MROH2B: variants seen among roughly 807,000 people sequenced by gnomAD.
The protein encoded by MROH2B is maestro heat like repeat family member 2B.
In MROH2B, 177 loss-of-function variants were observed where a neutral mutation model predicts 208.6. That is an observed-to-expected ratio of 0.85 (90% CI 0.75 to 0.96). MROH2B has a LOEUF of 0.96. MROH2B is among the 40% of genes least tolerant of loss of function. The pLI is 0.00. For synonymous variants in MROH2B, 728 were observed against 659.0 expected (o/e 1.10, Z -1.60); for missense variants, 2,002 against 1,878.7 (o/e 1.07, Z -1.21).
At chr5:41,012,876 G>C (rs752892882) in intron 29 of MROH2B, 141 bp from the exon 30 acceptor site, 113 of 1,023,732 alleles carry the variant, frequency 1.1e-4, no homozygotes, top group Non-Finnish European at 1.4e-4. Flanking sequence ...ACAGAAACTA[G>C]AGAAAATACT....
chr5:41,057,400 G>T, intron 7 of MROH2B, 40 bp from the exon 8 acceptor site: 2 of 1,461,860 alleles, frequency 1.4e-6, no homozygotes, highest in Non-Finnish European at 9.4e-7. Flanking sequence ...GAGGCTGCCA[G>T]GGAAGCAGCT....
intron 29 of MROH2B, among the ~76,000 whole-genome samples, chr5:41,013,692 A>C (rs1437678027): frequency 2.0e-5 from 3 of 152,186 alleles, no homozygotes; most frequent in African/African-American, 2.4e-5. Context: ...TCCAAGCTTC[A>C]TGGTTAGCTG....
intron 36 of MROH2B, 39 bp from the exon 37 acceptor site, chr5:41,004,567 C>G: frequency 1.3e-6 from 2 of 1,579,762 alleles, no homozygotes; most frequent in Non-Finnish European, 1.7e-6. Flanking sequence ...GAAAATTGTT[C>G]TATGCGTATC....
In MROH2B at chr5:41,070,931, T is replaced by G. The variant is rs558363616; in HGVS notation, c.-79A>C. 6.8e-7 allele frequency: 1 copy of G among 1,473,048 alleles called. No individual in the cohort carries two copies. The highest frequency in any genetic ancestry group is 9.3e-7 in the Non-Finnish European group (1 of 1,070,644). 91.2% of individuals were successfully genotyped at this position (1,473,048 alleles called of 1,614,324 possible). The stretch of plus-strand genomic sequence containing the variant: ...AAGGCTAAAAAATCAAAGAGGCAGG[T>G]TGGCAAGTTTCTCATATAAGGTTCA... On this transcript the variant is annotated 5_prime_UTR_variant, in exon 1 of 42. Coordinates refer to ENST00000399564, the MANE Select transcript of MROH2B (RefSeq NM_173489.5).
At chr5:40,998,781 G>C in intron 40 of MROH2B, 104 bp from the exon 41 acceptor site, 1 of 907,778 alleles carries the variant, frequency 1.1e-6, no homozygotes, top group Non-Finnish European at 1.7e-6. Flanking sequence ...TAAATGGTAG[G>C]CTGGTGAATG....
At chr5:41,046,916 T>C (rs1444308158) in intron 17 of MROH2B, among the ~76,000 whole-genome samples, 5 of 152,068 alleles carry the variant, frequency 3.3e-5, no homozygotes, top group Admixed American at 3.3e-4. Flanking sequence ...GAATCACTGA[T>C]GGAAACCTTT....
In MROH2B at chr5:41,061,564, A is replaced by C; in HGVS notation, c.615+6T>G. On this transcript the variant is annotated splice_donor_region_variant and intron_variant, in intron 6 of 41. Coordinates refer to ENST00000399564, the MANE Select transcript of MROH2B (RefSeq NM_173489.5). ...TCCAGCTTGAGGCATCCTGAGGCCC[A>C]CTCACCTGCATGGGTGAGGCCAAAG... is the stretch of plus-strand genomic sequence containing the variant. 2 of 1,605,158 alleles carry C rather than the reference A, an allele frequency of 1.2e-6. No individual in the cohort carries two copies. Among genetic ancestry groups the C allele is most frequent in the Non-Finnish European group, 1.7e-6 (2 of 1,175,724 alleles).
Position 41,038,841 on chromosome 5 carries a change from G to T in MROH2B, c.2109C>A (p.Val703=). ...CATGGAGGGCCACTGCTCCATAGAT[G>T]ACCATGACATCTGTCTTGGTCAGGC... The part of the protein sequence containing the change: ...KKSLTKTDVM[V]IYGAVALHAP... Residue 703 remains valine, a synonymous_variant, in exon 21 of 42, where the codon GTC becomes GTA. Coordinates refer to ENST00000399564, the MANE Select transcript of MROH2B (RefSeq NM_173489.5). 1 of 1,613,576 alleles carries T rather than the reference G, an allele frequency of 6.2e-7. No homozygotes were observed. The highest frequency in any genetic ancestry group is 1.1e-5 in the South Asian group (1 of 91,032).
chr5:41,058,189 A>G lies in MROH2B; in HGVS notation c.630T>C (p.Val210=), dbSNP rs371863958. 45 of 1,587,132 alleles carry G rather than the reference A, an allele frequency of 2.8e-5. No homozygotes were observed. The highest frequency in any genetic ancestry group is 3.5e-5 in the South Asian group (3 of 86,696). The change falls in exon 7 of 42, where the codon GTT becomes GTC. Residue 210 remains valine, a synonymous_variant. Transcript: ENST00000399564. ...AGCTCACCGTGGGCCCGTGGGCCTT[A>G]ACGATGCTCAAAGTCTGTACAGGCA... ...LASPMQTLSI[V]KAHGPTVSLL...
rs1316260508 is a variant in MROH2B, at chr5:41,004,400, G to A, written c.4140C>T (p.Asp1380=). ...KKILELLTDR[D]VSFYFKEIVL... ...CTATTTCCTTGAAGTAGAAGCTCAC[G>A]TCTCGGTCTGTCAGCAGCTCCAGGA... The change falls in exon 37 of 42, where the codon GAC becomes GAT. Residue 1380 remains aspartate, a synonymous_variant. Transcript: ENST00000399564. 1.2e-6 allele frequency: 2 copies of A among 1,613,982 alleles called. No individual in the cohort carries two copies. Among genetic ancestry groups the A allele is most frequent in the Non-Finnish European group, 1.7e-6 (2 of 1,179,872 alleles).
At position 41,070,979 on chromosome 5, in the gene MROH2B, T is replaced by C; in HGVS notation, c.-127A>G. 1 of 880,566 alleles carries C rather than the reference T, an allele frequency of 1.1e-6. No individual in the cohort carries two copies. The highest frequency in any genetic ancestry group is 2.2e-5 in the Admixed American group (1 of 44,780). The allele number at this position is 880,566 out of a possible 1,614,324, so 54.5% of individuals were successfully genotyped here. On this transcript the variant is annotated 5_prime_UTR_variant, in exon 1 of 42. Coordinates refer to ENST00000399564, the MANE Select transcript of MROH2B (RefSeq NM_173489.5). ...TCACATAAGCCTCTCTAAATGAAAG[T>C]GCCTCCTCCACTTGATTGGCACAAT...
intron 21 of MROH2B, among the ~76,000 whole-genome samples, chr5:41,034,279 A>G (rs1742680623): frequency 1.3e-5 from 2 of 152,142 alleles, no homozygotes; most frequent in South Asian, 4.1e-4. Flanking sequence ...GAGTTCTGCT[A>G]TAACATTTGT....
intron 21 of MROH2B, among the ~76,000 whole-genome samples, chr5:41,035,388 G>A (rs1742723275): frequency 1.3e-5 from 2 of 152,106 alleles, no homozygotes; most frequent in Non-Finnish European, 2.9e-5. Context: ...CTAGTCATAT[G>A]CAGATAAATG....
At chr5:41,068,486 G>A (rs1423390) in intron 2 of MROH2B, among the ~76,000 whole-genome samples, 43,088 of 151,938 alleles carry the variant, frequency 0.28, 7,051 homozygotes, top group Non-Finnish European at 0.38. Flanking sequence ...TTATAGATGA[G>A]GAAATTGAGT....
chr5:41,049,360 A>T lies in MROH2B; in HGVS notation c.1421T>A (p.Ile474Asn), dbSNP rs1441868713. The T allele has an allele frequency of 1.9e-6, 3 of 1,613,722 alleles. No individual in the cohort carries two copies. The highest frequency in any genetic ancestry group is 4.5e-5 in the East Asian group (2 of 44,880). The change falls in exon 14 of 42, where the codon ATC becomes AAC. Residue 474 changes from isoleucine to asparagine, a missense_variant. Coordinates refer to ENST00000399564, the MANE Select transcript of MROH2B (RefSeq NM_173489.5). ...TEALEPLFSI[I>N]RILIMAEEKK... ...CTCCTCTGCCATAATCAGAATTCTG[A>T]TGATACTAAACAGGGGCTCCAGAGC...
In MROH2B at chr5:40,998,039, A is replaced by C. The variant is rs768459706; in HGVS notation, c.*13T>G. On this transcript the variant is annotated 3_prime_UTR_variant, in exon 42 of 42. Coordinates refer to ENST00000399564, the MANE Select transcript of MROH2B (RefSeq NM_173489.5). ...CAGATATAGGAAAAGCCAGCAGTTTATTTCTTGATGGCTTACAGAGGAATG... is the reference window on the plus strand; with the variant it reads ...CAGATATAGGAAAAGCCAGCAGTTTCTTTCTTGATGGCTTACAGAGGAATG... 1 of 1,590,422 alleles carries C rather than the reference A, an allele frequency of 6.3e-7. No individual in the cohort carries two copies. The highest frequency in any genetic ancestry group is 1.7e-5 in the Admixed American group (1 of 58,560).
chr5:41,006,423 A>C (rs1302471255), intron 34 of MROH2B, among the ~76,000 whole-genome samples: 1 of 152,254 alleles, frequency 6.6e-6, no homozygotes, highest in East Asian at 1.9e-4. Flanking sequence ...TATGGAAAAC[A>C]GTGGAGCTTC....
At chr5:41,056,877 G>A (rs746286463) in intron 9 of MROH2B, among the ~76,000 whole-genome samples, 2 of 151,854 alleles carry the variant, frequency 1.3e-5, no homozygotes, top group Admixed American at 1.3e-4. Context: ...TTATCTCCCT[G>A]GACCTATCCC....
chr5:41,070,733 C>A, intron 1 of MROH2B, 92 bp downstream of exon 1: 1 of 1,286,298 alleles, frequency 7.8e-7, no homozygotes. Flanking sequence ...CCCACAATGA[C>A]GCGCCACTCC....
Sources: allele counts gnomAD v4.1 joint callset (sites outside exome capture counted in the v4.1 genomes callset), GRCh38; gene constraint gnomAD v4.1.1; transcripts MANE v1.5; gene names NCBI Gene and HGNC (gene_info 2026-07-23, HGNC 2026-07-21).